The following CYTH3 variants were observed in gnomAD, a reference collection of about 807,000 sequenced individuals.
The protein encoded by CYTH3 is cytohesin 3.
A neutral mutation model predicts 55.1 loss-of-function variants in CYTH3; 23 were observed. That is an observed-to-expected ratio of 0.42 (90% confidence interval 0.30 to 0.59). The LOEUF (loss-of-function observed/expected upper bound fraction) is 0.59, where lower values mean the gene tolerates loss of function less well. Ranked by LOEUF, CYTH3 falls within the 20% of genes least tolerant of loss-of-function variation. The probability of loss-of-function intolerance (pLI) is 0.20; values close to 1 mark genes in which losing one functional copy is unlikely to be tolerated. For missense variants in CYTH3, 413 were observed against 524.8 expected, an observed-to-expected ratio of 0.79 and a Z score of 2.08; for synonymous variants, 249 against 194.9, an observed-to-expected ratio of 1.28 and a Z score of -2.31.
At chr7:6,182,909 T>G (rs1032687859) in intron 4 of CYTH3, among the ~76,000 whole-genome samples, 1 of 152,198 alleles carries the variant, frequency 6.6e-6, no homozygotes, top group Non-Finnish European at 1.5e-5. Context: ...CGCTTGGTGG[T>G]GCTTGGTGGG....
At chr7:6,192,473 G>C (rs1443703941) in intron 1 of CYTH3, among the ~76,000 whole-genome samples, 1 of 151,050 alleles carries the variant, frequency 6.6e-6, no homozygotes, top group Non-Finnish European at 1.5e-5. Context: ...CTCCTACCTT[G>C]GCCTCCTAAA....
chr7:6,222,058 C>A (rs1340110749), intron 1 of CYTH3, among the ~76,000 whole-genome samples: 1 of 152,228 alleles, frequency 6.6e-6, no homozygotes, highest in East Asian at 1.9e-4. Context: ...ACTTACACAT[C>A]TGACCTCCAG....
chr7:6,206,104 TC>T (rs1333516017), intron 1 of CYTH3, among the ~76,000 whole-genome samples: 2 of 152,146 alleles, frequency 1.3e-5, no homozygotes, highest in East Asian at 3.8e-4. Context: ...GCAATTCCAC[TC>T]TAGTTATATA....
intron 1 of CYTH3, among the ~76,000 whole-genome samples, chr7:6,229,816 C>T (rs1282466214): frequency 7.8e-6 from 1 of 128,178 alleles, no homozygotes; most frequent in Non-Finnish European, 1.6e-5. Context: ...GACCCTGTCT[C>T]AAAAGAAAAA....
intron 1 of CYTH3, among the ~76,000 whole-genome samples, chr7:6,228,209 A>C (rs1239712522): frequency 6.6e-6 from 1 of 152,168 alleles, no homozygotes; most frequent in African/African-American, 2.4e-5. Context: ...CCAGTTTCAA[A>C]GAGGCAAGTT....
At chr7:6,199,079 A>C (rs1412356758) in intron 1 of CYTH3, among the ~76,000 whole-genome samples, 2 of 152,250 alleles carry the variant, frequency 1.3e-5, no homozygotes, top group East Asian at 3.8e-4. Context: ...TGTGGAAAGA[A>C]GGCAGGAAAT....
At chr7:6,239,956 C>T (rs1022270810) in intron 1 of CYTH3, among the ~76,000 whole-genome samples, 2 of 152,136 alleles carry the variant, frequency 1.3e-5, no homozygotes, top group African/African-American at 2.4e-5. Flanking sequence ...TAATCAGAAA[C>T]TGCAACATCA....
chr7:6,219,729 T>G (rs998085586), intron 1 of CYTH3, among the ~76,000 whole-genome samples: 7 of 152,126 alleles, frequency 4.6e-5, no homozygotes, highest in African/African-American at 1.7e-4. Flanking sequence ...GTTCAAAAAG[T>G]AGAAACTCCA....
At chr7:6,244,422 C>G (rs1011052793) in intron 1 of CYTH3, among the ~76,000 whole-genome samples, 1 of 152,152 alleles carries the variant, frequency 6.6e-6, no homozygotes, top group African/African-American at 2.4e-5. Context: ...AATCCAAAAA[C>G]AAACTGAAAG....
chr7:6,178,941 T>TGGCAAGGGA (rs1302282869), intron 4 of CYTH3, among the ~76,000 whole-genome samples: 1 of 152,132 alleles, frequency 6.6e-6, no homozygotes, highest in Non-Finnish European at 1.5e-5. Context: ...TTGGCAAGGG[T>TGGCAAGGGA]GGCAAGGGAA....
At chr7:6,229,677 C>T (rs1432524125) in intron 1 of CYTH3, among the ~76,000 whole-genome samples, 1 of 149,014 alleles carries the variant, frequency 6.7e-6, no homozygotes, top group African/African-American at 2.5e-5. Flanking sequence ...ATTAGCCGGG[C>T]ATGGTGGGAG....
chr7:6,186,199 G>C (rs1346554285), intron 4 of CYTH3, among the ~76,000 whole-genome samples: 1 of 148,580 alleles, frequency 6.7e-6, no homozygotes, highest in African/African-American at 2.5e-5. Context: ...AGCCAAGATC[G>C]TGCCACTGCA....
intron 1 of CYTH3, among the ~76,000 whole-genome samples, chr7:6,246,864 C>T (rs1013155014): frequency 6.6e-6 from 1 of 152,174 alleles, no homozygotes; most frequent in Admixed American, 6.5e-5. Context: ...TTTATGTTTA[C>T]ATGATTTCAA....
At chr7:6,212,948 C>T (rs1784354367) in intron 1 of CYTH3, among the ~76,000 whole-genome samples, 1 of 152,232 alleles carries the variant, frequency 6.6e-6, no homozygotes, top group Non-Finnish European at 1.5e-5. Flanking sequence ...CAACAGTGCA[C>T]AAGGTTTCCA....
At position 6,162,096 on chromosome 7, in the gene CYTH3, T is replaced by C. The variant is rs889886554; in HGVS notation, c.*2848A>G. The C allele has an allele frequency of 3.3e-5, 5 of 152,674 alleles. No individual in the cohort carries two copies. The highest frequency in any genetic ancestry group is 1.2e-4 in the African/African-American group (5 of 41,452). 9.5% of individuals were successfully genotyped at this position (152,674 alleles called of 1,614,324 possible). On this transcript the variant is annotated 3_prime_UTR_variant, in exon 13 of 13. Coordinates refer to ENST00000350796, the MANE Select transcript of CYTH3 (RefSeq NM_004227.4). ...ATGTAGATATCTGCGTTTGTAACTTTAAAAATAGGCATTGCTTTCTATGAA... is the reference window on the plus strand; with the variant it reads ...ATGTAGATATCTGCGTTTGTAACTTCAAAAATAGGCATTGCTTTCTATGAA...
chr7:6,170,768 C>T lies in CYTH3; in HGVS notation c.711+62G>A. ...GGAGGCGTGTCTAGAGCCGCGGGCG[C>T]TGCGGCCGCTCACAGCGAAGAGATC... On this transcript the variant is annotated intron_variant, in intron 8 of 12. Transcript: ENST00000350796. The surrounding 1 kb of genome is among the most constrained non-coding windows in gnomAD (Gnocchi z 7.8). The T allele has an allele frequency of 1.3e-6, 2 of 1,574,654 alleles. No individual in the cohort carries two copies. Among genetic ancestry groups the T allele is most frequent in the Non-Finnish European group, 1.7e-6 (2 of 1,160,004 alleles).
At chr7:6,176,773 G>C (rs948277534) in intron 5 of CYTH3, among the ~76,000 whole-genome samples, 5 of 152,198 alleles carry the variant, frequency 3.3e-5, no homozygotes, top group East Asian at 3.9e-4. Flanking sequence ...GCAGTACTAA[G>C]AGCAGACCTC....
intron 1 of CYTH3, among the ~76,000 whole-genome samples, chr7:6,264,885 T>C (rs1289981543): frequency 2.0e-5 from 3 of 152,158 alleles, no homozygotes; most frequent in African/African-American, 4.8e-5. Flanking sequence ...AAATATGTAA[T>C]AGGTAAGGCG....
intron 1 of CYTH3, among the ~76,000 whole-genome samples, chr7:6,198,620 T>C (rs963328212): frequency 1.3e-5 from 2 of 152,124 alleles, no homozygotes; most frequent in African/African-American, 4.8e-5. Flanking sequence ...CTCTGTTAGG[T>C]AAGAAGAAAC....
Sources: gnomAD v4.1 joint callset for allele counts (sites outside exome capture counted in the v4.1 genomes callset) on GRCh38, gnomAD v4.1.1 for gene constraint, Gnocchi (gnomAD v3.1) non-coding constraint, MANE v1.5 for transcripts, NCBI Gene and HGNC (gene_info 2026-07-23, HGNC 2026-07-21) for gene names.